The following GHITM variants were observed in gnomAD, a reference collection of about 807,000 sequenced individuals.
GHITM encodes the protein growth hormone-inducible transmembrane protein.
GHITM carries 24 observed loss-of-function variants against 38.7 expected under a neutral mutation model. The ratio of observed to expected loss-of-function variants is 0.62; its 90% confidence interval spans 0.45 to 0.87. The LOEUF (loss-of-function observed/expected upper bound fraction) is 0.87. Among genes scored for constraint, GHITM ranks in the 40% least tolerant of loss-of-function variants. The pLI is 0.00. For synonymous variants in GHITM, 154 were observed against 147.8 expected (o/e 1.04, Z -0.30); for missense variants, 420 against 429.8 (o/e 0.98, Z 0.20).
intron 5 of GHITM, among the ~76,000 whole-genome samples, chr10:84,146,501 A>G (rs377461360): frequency 1.7e-3 from 259 of 152,320 alleles, no homozygotes; most frequent in African/African-American, 6.0e-3. Flanking sequence ...GTACTTTACT[A>G]AAGGATAACC....
rs757799256 is a variant in GHITM, at chr10:84,150,229, T to C, written c.767T>C (p.Phe256Ser). 1.9e-6 allele frequency: 3 copies of C among 1,606,726 alleles called. No individual in the cohort carries two copies. Among genetic ancestry groups the C allele is most frequent in the South Asian group, 2.2e-5 (2 of 90,462 alleles). Reference protein sequence around the residue: ...APLGVGLGLVFVSSLGSMFLP... With the variant: ...APLGVGLGLVSVSSLGSMFLP... ...CTGGGAGTGGGCCTGGGTCTCGTCT[T>C]TGTGTCCTCATTGGGTAAGCTGCTG... Residue 256 changes from phenylalanine to serine, a missense_variant, in exon 7 of 9, where the codon TTT becomes TCT. Physicochemically the swap from Phe to Ser is radical, Grantham distance 155. Transcript: ENST00000372134.
Position 84,141,476 on chromosome 10 carries a change from T to G in GHITM, c.-25T>G, listed in dbSNP as rs1269593892. ...TTTTAAACTAGCATTTCAGATCTGC[T>G]CGGTAGACCTGGTGCACCACCACCA... On this transcript the variant is annotated 5_prime_UTR_variant, in exon 2 of 9. Coordinates refer to ENST00000372134, the MANE Select transcript of GHITM (RefSeq NM_014394.3). 1 of 1,611,966 alleles carries G rather than the reference T, an allele frequency of 6.2e-7. No individual in the cohort carries two copies. Among genetic ancestry groups the G allele is most frequent in the African/African-American group, 1.3e-5 (1 of 74,838 alleles).
intron 5 of GHITM, among the ~76,000 whole-genome samples, chr10:84,147,577 C>A (rs1841568269): frequency 6.6e-6 from 1 of 152,016 alleles, no homozygotes. Flanking sequence ...TTACTGACAT[C>A]TAGAGTTAAC....
At chr10:84,145,449 G>A (rs1841548261) in intron 5 of GHITM, among the ~76,000 whole-genome samples, 2 of 152,160 alleles carry the variant, frequency 1.3e-5, no homozygotes, top group Non-Finnish European at 2.9e-5. Flanking sequence ...ACATGTATTC[G>A]AATAATACCA....
chr10:84,150,682 A>T, intron 7 of GHITM, 27 bp from the exon 8 acceptor site: 1 of 1,559,056 alleles, frequency 6.4e-7, no homozygotes. Context: ...TTTTAAAAAA[A>T]ATCTTGTTTT....
chr10:84,150,143 A>G lies in GHITM; in HGVS notation c.681A>G (p.Gly227=). 1 of 1,613,986 alleles carries G rather than the reference A, an allele frequency of 6.2e-7. No individual in the cohort carries two copies. The highest frequency in any genetic ancestry group is 1.1e-5 in the South Asian group (1 of 91,074). ...RAAWYTAGIV[G]GLSTVAMCAP... is the part of the protein sequence containing the mutation. ...CATGGTACACAGCTGGCATTGTGGG[A>G]GGCCTCTCCACTGTGGCCATGTGTG... Residue 227 remains glycine (G), a synonymous_variant, in exon 7 of 9, where the codon GGA becomes GGG. Transcript: ENST00000372134.
chr10:84,140,122 G>A (rs1222237136), intron 1 of GHITM: 2 of 152,306 alleles, frequency 1.3e-5, no homozygotes, highest in Non-Finnish European at 2.9e-5. Flanking sequence ...CCTGTCAGAA[G>A]CGGGATTCCC....
rs931977887 is a variant in GHITM, at chr10:84,144,066, T to C, written c.301T>C (p.Leu101=). The change falls in exon 4 of 9, where the codon TTG becomes CTG. Residue 101 remains leucine (L), a synonymous_variant. Coordinates refer to ENST00000372134, the MANE Select transcript of GHITM (RefSeq NM_014394.3). ...TCTTGGAGCATTGTGCTACTATGGC[T>C]TGGGACTGTCTAATGAGATTGGAGC... ...VGLGALCYYG[L]GLSNEIGAIE... 2 of 1,613,922 alleles carry C rather than the reference T, an allele frequency of 1.2e-6. No homozygotes were observed. Among genetic ancestry groups the C allele is most frequent in the Admixed American group, 3.3e-5 (2 of 60,034 alleles).
chr10:84,149,678 T>C (rs1841592374), intron 6 of GHITM, among the ~76,000 whole-genome samples: 1 of 152,230 alleles, frequency 6.6e-6, no homozygotes, highest in Non-Finnish European at 1.5e-5. Context: ...ATGCTTTCCC[T>C]TTTGACAGCA....
At position 84,141,561 on chromosome 10, in the gene GHITM, T is replaced by G. The variant is rs1841506733; in HGVS notation, c.61T>G (p.Phe21Val). The part of the protein sequence containing the change: ...TLPSRVFHPA[F>V]TKASPVVKNS... Reference sequence around the variant, plus strand: ...ACCTTCTAGGGTTTTCCACCCAGCTTTCACCAAGGCCTCCCCTGTTGTGAA... The same window carrying G: ...ACCTTCTAGGGTTTTCCACCCAGCTGTCACCAAGGCCTCCCCTGTTGTGAA... The change falls in exon 2 of 9, where the codon TTC (phenylalanine) becomes GTC (valine). Residue 21 changes from phenylalanine (F) to valine (V), a missense_variant. Transcript: ENST00000372134. 1.2e-6 allele frequency: 2 copies of G among 1,613,746 alleles called. No homozygotes were observed. Among genetic ancestry groups the G allele is most frequent in the African/African-American group, 2.7e-5 (2 of 75,052 alleles).
Position 84,150,711 on chromosome 10 carries a change from T to A in GHITM, c.784T>A (p.Ser262Thr). ...LGLVFVSSLG[S>T]MFLPPTTVAG... The stretch of plus-strand genomic sequence containing the variant: ...TTGTTTTCGCATTTTGATTTCAGGA[T>A]CTATGTTTCTTCCACCTACCACCGT... The change falls in exon 8 of 9, where the codon TCT becomes ACT. Residue 262 changes from serine to threonine, a missense_variant and splice_region_variant. Physicochemically the swap from Ser to Thr is moderately conservative, Grantham distance 58. Transcript: ENST00000372134. 6.3e-7 allele frequency: 1 copy of A among 1,583,298 alleles called. No individual in the cohort carries two copies. The highest frequency in any genetic ancestry group is 8.6e-7 in the Non-Finnish European group (1 of 1,163,854).
intron 2 of GHITM, among the ~76,000 whole-genome samples, chr10:84,141,933 TAGTC>T (rs10588712): frequency 0.12 from 18,444 of 152,134 alleles, 2,395 homozygotes; most frequent in African/African-American, 0.33. Flanking sequence ...CTGGAGCACA[TAGTC>T]AGAAGTTTAA....
chr10:84,144,365 G>A (rs1841536860), intron 4 of GHITM, among the ~76,000 whole-genome samples: 1 of 152,070 alleles, frequency 6.6e-6, no homozygotes, highest in African/African-American at 2.4e-5. Context: ...TTGTTTGTTT[G>A]TTTTTTTGGA....
chr10:84,147,775 G>A (rs1841570645), intron 5 of GHITM, among the ~76,000 whole-genome samples: 1 of 152,006 alleles, frequency 6.6e-6, no homozygotes, highest in African/African-American at 2.4e-5. Flanking sequence ...TCATACACAA[G>A]CAATATTTAA....
At chr10:84,140,503 C>T (rs1213511776) in intron 1 of GHITM, 6 of 152,140 alleles carry the variant, frequency 3.9e-5, no homozygotes, top group African/African-American at 1.4e-4. Context: ...GTCTAAGGGT[C>T]AACGCTGTAG....
chr10:84,144,322 A>G (rs968299740), intron 4 of GHITM, among the ~76,000 whole-genome samples: 4 of 152,160 alleles, frequency 2.6e-5, no homozygotes, highest in Non-Finnish European at 2.9e-5. Context: ...GTGTTTAAGC[A>G]AAGAGAAAAT....
intron 6 of GHITM, among the ~76,000 whole-genome samples, chr10:84,149,377 AG>A (rs1359824182): frequency 7.2e-5 from 11 of 152,214 alleles, no homozygotes; most frequent in African/African-American, 2.4e-4. Flanking sequence ...TCTTTAAGCT[AG>A]TATTGAAAAT....
intron 8 of GHITM, 30 bp downstream of exon 8, chr10:84,150,910 A>G: frequency 1.4e-6 from 2 of 1,445,566 alleles, no homozygotes; most frequent in Non-Finnish European, 1.9e-6. Flanking sequence ...TAACACTGTT[A>G]CTCTGTCACA....
rs940762808 is a variant in GHITM, at chr10:84,144,235, C to A, written c.341+129C>A. On this transcript the variant is annotated intron_variant, in intron 4 of 8. Transcript: ENST00000372134. ...TGTGTCTAGTCTTTGTGTATACACA[C>A]AAATAGAGAATCTCTTTTTGCTTCT... 3.3e-5 allele frequency: 19 copies of A among 582,074 alleles called. No homozygotes were observed. The Admixed American group carries it at 3.7e-4, about 11-fold the overall frequency. The allele number at this position is 582,074 out of a possible 1,614,324, so 36.1% of individuals were successfully genotyped here. A position where few individuals can be genotyped will look rare whatever the true frequency, so the allele number is the denominator to read the frequency against.
Sources: allele counts gnomAD v4.1 joint callset (sites outside exome capture counted in the v4.1 genomes callset), GRCh38; gene constraint gnomAD v4.1.1; transcripts MANE v1.5; gene names NCBI Gene and HGNC (gene_info 2026-07-23, HGNC 2026-07-21).